HSF2BP: variants seen among roughly 807,000 people sequenced by gnomAD.
HSF2BP encodes the protein heat shock transcription factor 2 binding protein.
In HSF2BP, 35 loss-of-function variants were observed where a neutral mutation model predicts 35.0. The observed-to-expected ratio is 1.00, with a 90% CI of 0.76 to 1.32. HSF2BP has a LOEUF of 1.32. HSF2BP is among the 40% of genes most tolerant of loss of function. The probability of loss-of-function intolerance (pLI) is 0.00; values close to 1 mark genes in which losing one functional copy is unlikely to be tolerated. For synonymous variants in HSF2BP, 114 were observed against 117.4 expected (o/e 0.97, Z 0.18); for missense variants, 326 against 321.7 (o/e 1.01, Z -0.10).
intron 6 of HSF2BP, among the ~76,000 whole-genome samples, chr21:43,622,845 T>C (rs531840153): frequency 6.6e-6 from 1 of 152,308 alleles, no homozygotes; most frequent in Admixed American, 6.5e-5. Flanking sequence ...TACAGAACAT[T>C]TCACCCAACT....
At chr21:43,641,427 G>A (rs1355388666) in intron 4 of HSF2BP, among the ~76,000 whole-genome samples, 6 of 152,236 alleles carry the variant, frequency 3.9e-5, no homozygotes, top group African/African-American at 1.4e-4. Flanking sequence ...TCAAGACCCA[G>A]TGCACCTCCT....
chr21:43,624,045 A>C (rs2082361344), intron 6 of HSF2BP, among the ~76,000 whole-genome samples: 1 of 152,232 alleles, frequency 6.6e-6, no homozygotes. Flanking sequence ...CCACCAGCAC[A>C]TAAAATGGTA....
chr21:43,618,516 AAAG>A (rs1221749610), intron 6 of HSF2BP, among the ~76,000 whole-genome samples: 1 of 152,228 alleles, frequency 6.6e-6, no homozygotes, highest in African/African-American at 2.4e-5. Context: ...AGAAATGATA[AAAG>A]AATAATCTTT....
intron 1 of HSF2BP, among the ~76,000 whole-genome samples, 162 bp from the exon 2 acceptor site, chr21:43,658,482 A>G (rs988007227): frequency 6.6e-6 from 1 of 152,114 alleles, no homozygotes; most frequent in South Asian, 2.1e-4. Flanking sequence ...CCTCGCTCGG[A>G]TTCAGGCGCT....
chr21:43,578,037 C>T (rs944169492), intron 8 of HSF2BP, among the ~76,000 whole-genome samples: 6 of 152,160 alleles, frequency 3.9e-5, no homozygotes, highest in Non-Finnish European at 7.3e-5. Context: ...TTGCTGACTC[C>T]TTTTTTGGAC....
intron 3 of HSF2BP, 73 bp downstream of exon 3, chr21:43,656,514 A>G: frequency 1.4e-6 from 2 of 1,421,150 alleles, no homozygotes; most frequent in Non-Finnish European, 1.9e-6. Context: ...TTCGTTTACA[A>G]TTATTTACCT....
At chr21:43,575,218 T>C (rs1463121682) in intron 8 of HSF2BP, among the ~76,000 whole-genome samples, 1 of 151,514 alleles carries the variant, frequency 6.6e-6, no homozygotes, top group East Asian at 2.0e-4. Context: ...GCCACAAAAG[T>C]TACAGAATAT....
chr21:43,651,603 T>C (rs761817626), intron 3 of HSF2BP, among the ~76,000 whole-genome samples: 5 of 152,124 alleles, frequency 3.3e-5, no homozygotes, highest in African/African-American at 1.2e-4. Flanking sequence ...CAGTTGACTC[T>C]CATCTCAAAT....
At chr21:43,609,692 G>A (rs550271581) in intron 7 of HSF2BP, among the ~76,000 whole-genome samples, 2 of 152,120 alleles carry the variant, frequency 1.3e-5, no homozygotes, top group Admixed American at 6.5e-5. Flanking sequence ...GAGGTGAAAA[G>A]AGGGGAGAAG....
chr21:43,607,928 C>A (rs1481805011), intron 7 of HSF2BP, among the ~76,000 whole-genome samples: 5 of 152,128 alleles, frequency 3.3e-5, no homozygotes, highest in Admixed American at 2.0e-4. Flanking sequence ...CTACCTCTAA[C>A]CACAGATAAA....
intron 6 of HSF2BP, among the ~76,000 whole-genome samples, chr21:43,619,070 C>T (rs4818855): frequency 0.51 from 77,384 of 152,050 alleles, 20,855 homozygotes; most frequent in East Asian, 0.69. Flanking sequence ...CCCTCAACCT[C>T]CTGAGTAGCT....
chr21:43,624,116 T>TGC (rs2082362280), intron 6 of HSF2BP, among the ~76,000 whole-genome samples: 2 of 152,226 alleles, frequency 1.3e-5, no homozygotes. Flanking sequence ...TACTACACCC[T>TGC]GCTATTCCAC....
chr21:43,636,939 C>T (rs568547497), intron 4 of HSF2BP, among the ~76,000 whole-genome samples: 82 of 147,466 alleles, frequency 5.6e-4, no homozygotes, highest in African/African-American at 1.2e-3. Context: ...TGAAAACATA[C>T]GACCGCAGAA....
At chr21:43,636,243 GAAA>G (rs1447578899) in intron 4 of HSF2BP, among the ~76,000 whole-genome samples, 2 of 118,634 alleles carry the variant, frequency 1.7e-5, no homozygotes, top group African/African-American at 9.2e-5. Flanking sequence ...GAAAAGAAAA[GAAA>G]AGAAAAGAAA....
At chr21:43,612,322 A>G (rs1407536208) in intron 7 of HSF2BP, among the ~76,000 whole-genome samples, 1 of 152,158 alleles carries the variant, frequency 6.6e-6, no homozygotes, top group Non-Finnish European at 1.5e-5. Flanking sequence ...AGGTGTTGGA[A>G]GCACCTGGCA....
At chr21:43,631,603 C>A (rs1157101923) in intron 5 of HSF2BP, among the ~76,000 whole-genome samples, 1 of 152,054 alleles carries the variant, frequency 6.6e-6, no homozygotes, top group Non-Finnish European at 1.5e-5. Flanking sequence ...ATTGAAAAAC[C>A]CTTAGGGAAA....
intron 3 of HSF2BP, among the ~76,000 whole-genome samples, chr21:43,654,884 T>C (rs2147129281): frequency 6.6e-6 from 1 of 152,250 alleles, no homozygotes; most frequent in East Asian, 1.9e-4. Flanking sequence ...ATTGGAAGGC[T>C]GCAAAGCAGA....
chr21:43,636,638 T>G (rs1357323304), intron 4 of HSF2BP, among the ~76,000 whole-genome samples: 2 of 152,102 alleles, frequency 1.3e-5, no homozygotes, highest in Non-Finnish European at 2.9e-5. Context: ...GCGATGGTAA[T>G]CCCAGCACTT....
chr21:43,587,151 A>G (rs926379444), intron 8 of HSF2BP, among the ~76,000 whole-genome samples: 3 of 152,172 alleles, frequency 2.0e-5, no homozygotes, highest in Non-Finnish European at 4.4e-5. Context: ...CTATATATTC[A>G]CCTTCTAAAA....
Sources: gnomAD v4.1 joint callset for allele counts (sites outside exome capture counted in the v4.1 genomes callset) on GRCh38, gnomAD v4.1.1 for gene constraint, MANE v1.5 for transcripts, NCBI Gene and HGNC (gene_info 2026-07-23, HGNC 2026-07-21) for gene names.